The following PTTG1 variants were observed in gnomAD, a reference collection of about 807,000 sequenced individuals.
PTTG1 encodes securin.
Under a neutral mutation model 20.0 loss-of-function variants are expected in PTTG1, and 8 were observed. The observed-to-expected ratio is 0.40, with a 90% CI of 0.23 to 0.72. The LOEUF (loss-of-function observed/expected upper bound fraction) is 0.72, where lower values mean the gene tolerates loss of function less well. Among genes scored for constraint, PTTG1 ranks in the 30% least tolerant of loss-of-function variants. PTTG1 has a pLI of 0.38. For missense variants in PTTG1, 197 were observed against 236.0 expected, an observed-to-expected ratio of 0.83 and a Z score of 1.08; for synonymous variants, 79 against 87.2, an observed-to-expected ratio of 0.91 and a Z score of 0.52.
intron 3 of PTTG1, among the ~76,000 whole-genome samples, chr5:160,423,530 A>C (rs1765755209): frequency 6.6e-6 from 1 of 152,262 alleles, no homozygotes. Flanking sequence ...ACTTAGGACA[A>C]AGATGTCTTC....
chr5:160,424,324 C>T lies in PTTG1; in HGVS notation c.364C>T (p.Pro122Ser). 6.3e-7 allele frequency: 1 copy of T among 1,594,186 alleles called. No individual in the cohort carries two copies. The highest frequency in any genetic ancestry group is 8.6e-7 in the Non-Finnish European group (1 of 1,163,590). ...AATAGAAAAATTCTTTCCCTTCAAT[C>T]CTCTAGGTAGTATCTTTTGCAATTG... ...PEIEKFFPFNPLDFESFDLPE... is the reference protein window; with the variant it reads ...PEIEKFFPFNSLDFESFDLPE... The change falls in exon 4 of 6, where the codon CCT (proline) becomes TCT (serine). Residue 122 changes from proline to serine, a missense_variant. Transcript: ENST00000352433.
rs536717315 is a variant in PTTG1, at chr5:160,423,512, A to G, written c.276+619A>G. ...TTAGGAAACAACTAGTGAATTACAT[A>G]TAGTGCAACTTAGGACAAAGATGTC... On this transcript the variant is annotated intron_variant, in intron 3 of 5. Coordinates refer to ENST00000352433, the MANE Select transcript of PTTG1 (RefSeq NM_004219.4). 3.3e-5 allele frequency among the ~76,000 whole-genome samples: 5 copies of G among 152,374 alleles called. No individual in the cohort carries two copies. The South Asian group carries it at 1.0e-3, about 32-fold the overall frequency.
At chr5:160,422,600 A>C in intron 2 of PTTG1, 109 bp from the exon 3 acceptor site, 1 of 1,321,400 alleles carries the variant, frequency 7.6e-7, no homozygotes, top group African/African-American at 1.5e-5. Context: ...GCCACTACCA[A>C]AAGTGGGGGG....
chr5:160,427,457 G>A (rs192803193), intron 4 of PTTG1, among the ~76,000 whole-genome samples: 1 of 152,292 alleles, frequency 6.6e-6, no homozygotes, highest in African/African-American at 2.4e-5. Context: ...AACTACAAGC[G>A]AAGAAGGATG....
At position 160,424,317 on chromosome 5, in the gene PTTG1, C is replaced by G. The variant is rs1204368689; in HGVS notation, c.357C>G (p.Pro119=). The change falls in exon 4 of 6, where the codon CCC becomes CCG. Residue 119 remains proline (P), a synonymous_variant. Transcript: ENST00000352433. ...ATCCAGAAATAGAAAAATTCTTTCCCTTCAATCCTCTAGGTAGTATCTTTT... is the reference window on the plus strand; with the variant it reads ...ATCCAGAAATAGAAAAATTCTTTCCGTTCAATCCTCTAGGTAGTATCTTTT... ...DAYPEIEKFF[P]FNPLDFESFD... 18 of 1,601,110 alleles carry G rather than the reference C, an allele frequency of 1.1e-5. No homozygotes were observed. Among genetic ancestry groups the G allele is most frequent in the Non-Finnish European group, 1.5e-5 (18 of 1,168,916 alleles).
chr5:160,422,240 T>C, intron 1 of PTTG1, 62 bp from the exon 2 acceptor site: 1 of 1,233,142 alleles, frequency 8.1e-7, no homozygotes, highest in Non-Finnish European at 1.2e-6. Context: ...AAGTTTGGTA[T>C]GTTGCTATAC....
intron 3 of PTTG1, among the ~76,000 whole-genome samples, chr5:160,423,975 A>C (rs1479575285): frequency 6.6e-6 from 1 of 152,216 alleles, no homozygotes; most frequent in Non-Finnish European, 1.5e-5. Flanking sequence ...AGGTTGAATA[A>C]TTGCATTGAT....
At chr5:160,422,997 G>GAAA in intron 3 of PTTG1, 104 bp downstream of exon 3, 1 of 1,174,790 alleles carries the variant, frequency 8.5e-7, no homozygotes, top group Non-Finnish European at 1.2e-6. Context: ...CTGAGTAGAA[G>GAAA]GGAAATAGAG....
chr5:160,422,295 T>G lies in PTTG1; in HGVS notation c.-11-7T>G. ...CCCAATATCTAATATGTATTTCTCA[T>G]TCTTAGAATAATCCAGAATGGCTAC... On this transcript the variant is annotated splice_region_variant and splice_polypyrimidine_tract_variant and intron_variant, in intron 1 of 5. Coordinates refer to ENST00000352433, the MANE Select transcript of PTTG1 (RefSeq NM_004219.4). The G allele has an allele frequency of 6.3e-7, 1 of 1,598,700 alleles. No individual in the cohort carries two copies.
In PTTG1 at chr5:160,422,307, T is replaced by A; in HGVS notation, c.-6T>A. ...TATGTATTTCTCATTCTTAGAATAA[T>A]CCAGAATGGCTACTCTGATCTATGT... On this transcript the variant is annotated 5_prime_UTR_variant, in exon 2 of 6. Transcript: ENST00000352433. 6.2e-7 allele frequency: 1 copy of A among 1,610,550 alleles called. No homozygotes were observed. The highest frequency in any genetic ancestry group is 8.5e-7 in the Non-Finnish European group (1 of 1,176,756).
chr5:160,422,250 C>A, intron 1 of PTTG1, 52 bp from the exon 2 acceptor site: 6 of 1,353,720 alleles, frequency 4.4e-6, no homozygotes, highest in East Asian at 4.6e-5. Flanking sequence ...TGTTGCTATA[C>A]CTTTGCTTCT....
intron 4 of PTTG1, among the ~76,000 whole-genome samples, chr5:160,426,879 C>T (rs1408272187): frequency 2.6e-5 from 4 of 152,100 alleles, no homozygotes; most frequent in Non-Finnish European, 4.4e-5. Context: ...CCCGTCTGTA[C>T]TAAAAATACA....
chr5:160,428,634 A>C lies in PTTG1; in HGVS notation c.562A>C (p.Thr188Pro). ...GCAGTCTCCTTCAAGCATTCTGTCGACCCTGGATGTTGAATTGCCACCTGT... is the reference window on the plus strand; with the variant it reads ...GCAGTCTCCTTCAAGCATTCTGTCGCCCCTGGATGTTGAATTGCCACCTGT... ...LLQSPSSILS[T>P]LDVELPPVCC... The change falls in exon 6 of 6, where the codon ACC becomes CCC. Residue 188 changes from threonine (T) to proline (P), a missense_variant. Coordinates refer to ENST00000352433, the MANE Select transcript of PTTG1 (RefSeq NM_004219.4). 1.9e-6 allele frequency: 3 copies of C among 1,614,060 alleles called. No individual in the cohort carries two copies. The highest frequency in any genetic ancestry group is 2.5e-6 in the Non-Finnish European group (3 of 1,179,956).
At chr5:160,426,048 C>A (rs1459719982) in intron 4 of PTTG1, among the ~76,000 whole-genome samples, 1 of 152,138 alleles carries the variant, frequency 6.6e-6, no homozygotes, top group Non-Finnish European at 1.5e-5. Flanking sequence ...TTACCTAACA[C>A]AATGGTTCTC....
At chr5:160,427,359 A>G (rs1765826334) in intron 4 of PTTG1, among the ~76,000 whole-genome samples, 1 of 152,244 alleles carries the variant, frequency 6.6e-6, no homozygotes, top group Admixed American at 6.5e-5. Context: ...CAGAACATTA[A>G]AAAGACATCT....
chr5:160,424,707 G>A (rs1765776788), intron 4 of PTTG1: 1 of 160,290 alleles, frequency 6.2e-6, no homozygotes, highest in Non-Finnish European at 1.4e-5. Flanking sequence ...TATTTCTTTG[G>A]TTTGAAAAAT....
chr5:160,426,772 A>G (rs1162264224), intron 4 of PTTG1, among the ~76,000 whole-genome samples: 1 of 152,194 alleles, frequency 6.6e-6, no homozygotes, highest in Non-Finnish European at 1.5e-5. Context: ...GGCCAGATGC[A>G]GTGGCTCACG....
chr5:160,428,653 C>T lies in PTTG1; in HGVS notation c.581C>T (p.Pro194Leu). 6.2e-7 allele frequency: 1 copy of T among 1,613,838 alleles called. No individual in the cohort carries two copies. The highest frequency in any genetic ancestry group is 8.5e-7 in the Non-Finnish European group (1 of 1,179,780). The change falls in exon 6 of 6, where the codon CCA becomes CTA. Residue 194 changes from proline (P) to leucine (L), a missense_variant. Transcript: ENST00000352433. Reference sequence around the variant, plus strand: ...CTGTCGACCCTGGATGTTGAATTGCCACCTGTTTGCTGTGACATAGATATT... The same window carrying T: ...CTGTCGACCCTGGATGTTGAATTGCTACCTGTTTGCTGTGACATAGATATT... ...SILSTLDVEL[P>L]PVCCDIDI is the part of the protein sequence containing the mutation.
Position 160,424,324 on chromosome 5 carries a change from C to A in PTTG1, c.364C>A (p.Pro122Thr). ...PEIEKFFPFN[P>T]LDFESFDLPE... ...AATAGAAAAATTCTTTCCCTTCAAT[C>A]CTCTAGGTAGTATCTTTTGCAATTG... is the stretch of plus-strand genomic sequence containing the variant. Residue 122 changes from proline (P) to threonine (T), a missense_variant, in exon 4 of 6, where the codon CCT becomes ACT. Pro to Thr is a conservative substitution (Grantham distance 38). Transcript: ENST00000352433. 1 of 1,594,186 alleles carries A rather than the reference C, an allele frequency of 6.3e-7. No homozygotes were observed. Among genetic ancestry groups the A allele is most frequent in the Non-Finnish European group, 8.6e-7 (1 of 1,163,590 alleles).
Sources: gnomAD v4.1 joint callset for allele counts (sites outside exome capture counted in the v4.1 genomes callset) on GRCh38, gnomAD v4.1.1 for gene constraint, MANE v1.5 for transcripts, NCBI Gene and HGNC (gene_info 2026-07-23, HGNC 2026-07-21) for gene names.